ATRN: variants seen among roughly 807,000 people sequenced by gnomAD.
ATRN encodes the protein attractin-2.
ATRN carries 54 observed loss-of-function variants against 178.7 expected under a neutral mutation model. That is an observed-to-expected ratio of 0.30 (90% CI 0.24 to 0.38). The LOEUF (loss-of-function observed/expected upper bound fraction) is 0.38. Ranked by LOEUF, ATRN falls within the 10% of genes least tolerant of loss-of-function variation. The pLI, the probability that ATRN is intolerant of heterozygous loss-of-function variation, is 1.00. For synonymous variants in ATRN, 636 were observed against 663.0 expected (o/e 0.96, Z 0.63); for missense variants, 1,443 against 1,815.1 (o/e 0.79, Z 3.73).
chr20:3,519,257 G>T (rs572601390), intron 1 of ATRN, among the ~76,000 whole-genome samples: 2 of 152,228 alleles, frequency 1.3e-5, no homozygotes, highest in African/African-American at 4.8e-5. Flanking sequence ...AGTACTGGGA[G>T]ATCTGAGAAC....
intron 6 of ATRN, among the ~76,000 whole-genome samples, chr20:3,554,152 A>G (rs2146210652): frequency 6.6e-6 from 1 of 152,090 alleles, no homozygotes; most frequent in South Asian, 2.1e-4. Flanking sequence ...TTTTTAGATC[A>G]TAACTTTTTT....
intron 26 of ATRN, among the ~76,000 whole-genome samples, chr20:3,637,919 G>A (rs2087037902): frequency 6.6e-6 from 1 of 152,092 alleles, no homozygotes; most frequent in African/African-American, 2.4e-5. Flanking sequence ...CTCTCTGAAG[G>A]AAGGGTTCTT....
At chr20:3,541,391 A>T (rs2085620358) in intron 3 of ATRN, among the ~76,000 whole-genome samples, 1 of 152,106 alleles carries the variant, frequency 6.6e-6, no homozygotes, top group Non-Finnish European at 1.5e-5. Context: ...GGATTTTAAG[A>T]TACAGTCATG....
At chr20:3,527,505 A>C (rs2085383736) in intron 1 of ATRN, among the ~76,000 whole-genome samples, 1 of 152,206 alleles carries the variant, frequency 6.6e-6, no homozygotes, top group Non-Finnish European at 1.5e-5. Context: ...TCATTGTGGA[A>C]GACAGTGGGG....
rs747765497 is a variant in ATRN at position 3,471,193 on chromosome 20, C to T, written c.86C>T (p.Pro29Leu). The change falls in exon 1 of 29, where the codon CCG becomes CTG. Residue 29 changes from proline (P) to leucine (L), a missense_variant. Pro to Leu is a moderately conservative substitution (Grantham distance 98). Transcript: ENST00000262919. ...GCGCTCGCGGGCAGGAGCGGCGGGC[C>T]GCACTGGGACTGGGACGTGACCAGG... is the stretch of plus-strand genomic sequence containing the variant. Reference protein sequence around the residue: ...TAALAGRSGGPHWDWDVTRAG... With the variant: ...TAALAGRSGGLHWDWDVTRAG... The T allele has an allele frequency of 7.3e-6, 11 of 1,502,414 alleles. No homozygotes were observed. The African/African-American group carries it at 1.4e-4, about 20-fold the overall frequency. 93.1% of individuals were successfully genotyped at this position (1,502,414 alleles called of 1,614,324 possible). A position where few individuals can be genotyped will look rare whatever the true frequency, so the allele number is the denominator to read the frequency against.
Position 3,645,263 on chromosome 20 carries a change from C to T in ATRN, c.4165+995C>T, listed in dbSNP as rs2087098741. Among the ~76,000 whole-genome samples the T allele has an allele frequency of 6.6e-6, 1 of 152,218 alleles. No homozygotes were observed. The highest frequency in any genetic ancestry group is 1.5e-5 in the Non-Finnish European group (1 of 68,038). On this transcript the variant is annotated intron_variant, in intron 28 of 28. Coordinates refer to ENST00000262919, the MANE Select transcript of ATRN (RefSeq NM_139321.3). This position sits in a 1 kb window ranked among gnomAD's most constrained non-coding sequence, Gnocchi z 4.7. The stretch of plus-strand genomic sequence containing the variant: ...ACTGTCCCTTCAGTGCACCCTCAGA[C>T]CCAGAAGATCCTCCAGCCCAGCTTT...
chr20:3,481,206 G>A (rs144554999), intron 1 of ATRN, among the ~76,000 whole-genome samples: 1 of 151,868 alleles, frequency 6.6e-6, no homozygotes, highest in African/African-American at 2.4e-5. Flanking sequence ...TCTTATATTT[G>A]TCTTGCTTTT....
chr20:3,565,266 T>A, intron 10 of ATRN, 82 bp from the exon 11 acceptor site: 1 of 1,006,862 alleles, frequency 9.9e-7, no homozygotes, highest in Non-Finnish European at 1.5e-6. Flanking sequence ...CTCTTTGTTG[T>A]AGTATTTTTC....
intron 17 of ATRN, 31 bp downstream of exon 17, chr20:3,584,114 T>G: frequency 6.2e-7 from 1 of 1,606,158 alleles, no homozygotes; most frequent in South Asian, 1.1e-5. Context: ...TAGGCACTTA[T>G]GCATGCCCTC....
At chr20:3,473,234 T>C (rs188921316) in intron 1 of ATRN, among the ~76,000 whole-genome samples, 11 of 152,254 alleles carry the variant, frequency 7.2e-5, no homozygotes, top group Admixed American at 6.5e-4. Flanking sequence ...TGTAATTTTG[T>C]TTAAGGCTGT....
chr20:3,569,546 A>G (rs540779715), intron 11 of ATRN, among the ~76,000 whole-genome samples: 1 of 152,322 alleles, frequency 6.6e-6, no homozygotes, highest in South Asian at 2.1e-4. Flanking sequence ...ACTGTACACT[A>G]CTGTAGACTT....
rs773424195 is a variant in ATRN, at chr20:3,572,871, G to A, written c.2012G>A (p.Gly671Glu). ...GGTATTCGGTGTGTGTGGAACACAGGGTCGTCTCAGTGTATCTCGTGGGCG... is the reference window on the plus strand; with the variant it reads ...GGTATTCGGTGTGTGTGGAACACAGAGTCGTCTCAGTGTATCTCGTGGGCG... Reference protein sequence around the residue: ...GPGIRCVWNTGSSQCISWALA... With the variant: ...GPGIRCVWNTESSQCISWALA... Residue 671 changes from glycine (G) to glutamate (E), a missense_variant, in exon 12 of 29, where the codon GGG becomes GAG. Transcript: ENST00000262919. 3 of 1,613,868 alleles carry A rather than the reference G, an allele frequency of 1.9e-6. No individual in the cohort carries two copies. The highest frequency in any genetic ancestry group is 2.5e-6 in the Non-Finnish European group (3 of 1,179,954).
At chr20:3,587,432 T>A (rs1206340371) in intron 18 of ATRN, among the ~76,000 whole-genome samples, 5 of 152,048 alleles carry the variant, frequency 3.3e-5, no homozygotes, top group African/African-American at 1.2e-4. Flanking sequence ...GGGTCCAAAC[T>A]CTCTTCTTGC....
chr20:3,483,708 A>G (rs2084653708), intron 1 of ATRN, among the ~76,000 whole-genome samples: 1 of 152,064 alleles, frequency 6.6e-6, no homozygotes, highest in South Asian at 2.1e-4. Flanking sequence ...TAGGGTAGTG[A>G]TCTTCAGTCT....
chr20:3,604,160 G>A lies in ATRN; in HGVS notation c.3699G>A (p.Glu1233=), dbSNP rs768493436. ...MPVVSKTNIK[E]YKDSFSNEKF... is the part of the protein sequence containing the mutation. The stretch of plus-strand genomic sequence containing the variant: ...TTGTTTCAAAAACCAACATTAAGGA[G>A]TACAAAGATAGTTTCTCTAATGAGA... Residue 1233 remains glutamate (E), a synonymous_variant, in exon 24 of 29, where the codon GAG becomes GAA. Transcript: ENST00000262919. The A allele has an allele frequency of 5.0e-6, 8 of 1,612,812 alleles. No homozygotes were observed. The highest frequency in any genetic ancestry group is 6.8e-6 in the Non-Finnish European group (8 of 1,179,710).
intron 11 of ATRN, among the ~76,000 whole-genome samples, chr20:3,565,752 C>T (rs6037621): frequency 0.048 from 6,811 of 142,254 alleles, 485 homozygotes; most frequent in African/African-American, 0.16. Context: ...GAGACGAGAT[C>T]GCGCCACAGC....
intron 27 of ATRN, among the ~76,000 whole-genome samples, chr20:3,641,874 G>A (rs1016784381): frequency 6.6e-6 from 1 of 152,152 alleles, no homozygotes. Context: ...ACCCCCAGGA[G>A]GATAGACTAA....
chr20:3,498,934 C>G (rs984926718), intron 1 of ATRN, among the ~76,000 whole-genome samples: 4 of 130,194 alleles, frequency 3.1e-5, no homozygotes, highest in African/African-American at 1.2e-4. Flanking sequence ...CTAGAAAACC[C>G]CATCGTCTCA....
At chr20:3,559,567 A>C in intron 7 of ATRN, 84 bp downstream of exon 7, 5 of 1,154,480 alleles carry the variant, frequency 4.3e-6, no homozygotes, top group East Asian at 2.4e-5. Flanking sequence ...AAGCTACCTC[A>C]GTGTTGGTTT....
Sources: allele counts gnomAD v4.1 joint callset (sites outside exome capture counted in the v4.1 genomes callset), GRCh38; gene constraint gnomAD v4.1.1; non-coding constraint Gnocchi (gnomAD v3.1); transcripts MANE v1.5; gene names NCBI Gene and HGNC (gene_info 2026-07-23, HGNC 2026-07-21).